Variants in EXOC4 observed in about 807,000 individuals in gnomAD.
The protein encoded by EXOC4 is exocyst complex component 4.
EXOC4 carries 71 observed loss-of-function variants against 107.2 expected under a neutral mutation model. The observed-to-expected ratio is 0.66, with a 90% CI of 0.55 to 0.81. The LOEUF (loss-of-function observed/expected upper bound fraction) is 0.81. EXOC4 is among the 30% of genes least tolerant of loss of function. EXOC4 has a pLI of 0.00. For missense variants in EXOC4, 1,108 were observed against 1,189.6 expected, an observed-to-expected ratio of 0.93 and a Z score of 1.01; for synonymous variants, 456 against 441.2, an observed-to-expected ratio of 1.03 and a Z score of -0.42.
chr7:133,598,670 T>TG (rs1801738060), intron 9 of EXOC4, among the ~76,000 whole-genome samples: 1 of 152,136 alleles, frequency 6.6e-6, no homozygotes, highest in Admixed American at 6.6e-5. Context: ...ACATCTGAAT[T>TG]GGGTTGTACT....
intron 17 of EXOC4, among the ~76,000 whole-genome samples, chr7:134,044,404 G>A (rs369584976): frequency 1.8e-4 from 28 of 152,176 alleles, no homozygotes; most frequent in African/African-American, 4.8e-4. Flanking sequence ...GCCTACCACC[G>A]TCTTCTGCAG....
chr7:133,855,104 A>AAAAT (rs1798334442), intron 11 of EXOC4, among the ~76,000 whole-genome samples: 4 of 61,890 alleles, frequency 6.5e-5, no homozygotes, highest in African/African-American at 2.5e-4. Context: ...TATATATATA[A>AAAAT]ATATATATAA....
At chr7:133,857,166 A>G (rs1585202636) in intron 11 of EXOC4, among the ~76,000 whole-genome samples, 1 of 13,352 alleles carries the variant, frequency 7.5e-5, no homozygotes, top group Non-Finnish European at 1.2e-4. Context: ...ATATATATAT[A>G]TATATATATA....
At chr7:134,019,704 C>T (rs1478846593) in intron 17 of EXOC4, among the ~76,000 whole-genome samples, 8 of 152,168 alleles carry the variant, frequency 5.3e-5, no homozygotes, top group East Asian at 1.9e-4. Flanking sequence ...CTCTTAACTA[C>T]GTGAAGTAAG....
chr7:133,465,628 T>G (rs1232704335), intron 7 of EXOC4, among the ~76,000 whole-genome samples: 5 of 152,208 alleles, frequency 3.3e-5, no homozygotes, highest in Non-Finnish European at 5.9e-5. Context: ...CATGTGAGTC[T>G]ATATGCTAGA....
chr7:133,433,333 A>G (rs1232762077), intron 7 of EXOC4, among the ~76,000 whole-genome samples: 1 of 152,200 alleles, frequency 6.6e-6, no homozygotes, highest in Non-Finnish European at 1.5e-5. Context: ...GACTTGATAT[A>G]ACCAATGGAA....
At chr7:133,973,073 T>G (rs1056878203) in intron 14 of EXOC4, among the ~76,000 whole-genome samples, 3 of 152,178 alleles carry the variant, frequency 2.0e-5, no homozygotes, top group Non-Finnish European at 4.4e-5. Context: ...TCAGGAAGTA[T>G]TTGTGGATAG....
intron 9 of EXOC4, among the ~76,000 whole-genome samples, chr7:133,549,183 G>A (rs1047706497): frequency 1.3e-5 from 2 of 152,004 alleles, no homozygotes; most frequent in East Asian, 3.9e-4. Context: ...TAGTAGAGAC[G>A]GGTTTCACTG....
chr7:133,325,395 A>T (rs1164642853), intron 5 of EXOC4, among the ~76,000 whole-genome samples: 2 of 152,198 alleles, frequency 1.3e-5, no homozygotes, highest in South Asian at 2.1e-4. Flanking sequence ...AGCTCTTGTA[A>T]GGCAGGCCTG....
intron 1 of EXOC4, among the ~76,000 whole-genome samples, chr7:133,263,925 G>A (rs900370622): frequency 1.3e-5 from 2 of 152,094 alleles, no homozygotes; most frequent in African/African-American, 2.4e-5. Flanking sequence ...TAAGAAATCT[G>A]CTTCAATTTG....
At chr7:133,437,588 A>G (rs3919590) in intron 7 of EXOC4, among the ~76,000 whole-genome samples, 117,708 of 152,138 alleles carry the variant, frequency 0.77, 46,186 homozygotes, top group East Asian at 0.95. Context: ...TTTAAGATCG[A>G]TAGGATATTT....
intron 13 of EXOC4, among the ~76,000 whole-genome samples, chr7:133,921,425 C>G (rs1799933131): frequency 6.6e-6 from 1 of 152,196 alleles, no homozygotes; most frequent in South Asian, 2.1e-4. Flanking sequence ...CTGAGCATCT[C>G]TTAGCCCAGT....
intron 17 of EXOC4, among the ~76,000 whole-genome samples, chr7:134,033,191 A>T (rs1359025362): frequency 6.6e-6 from 1 of 152,200 alleles, no homozygotes; most frequent in African/African-American, 2.4e-5. Context: ...TCAAAAAAAA[A>T]ATGTCAGAGT....
chr7:133,324,742 T>G (rs1169207258), intron 5 of EXOC4, among the ~76,000 whole-genome samples: 2 of 152,266 alleles, frequency 1.3e-5, no homozygotes, highest in African/African-American at 4.8e-5. Flanking sequence ...GGTGCAGAGC[T>G]GAGTTCAATT....
intron 7 of EXOC4, among the ~76,000 whole-genome samples, chr7:133,451,948 T>A (rs1297212586): frequency 6.6e-6 from 1 of 152,102 alleles, no homozygotes; most frequent in South Asian, 2.1e-4. Flanking sequence ...TTAAAAAAAA[T>A]ATTTTAATTG....
intron 17 of EXOC4, among the ~76,000 whole-genome samples, chr7:134,057,348 A>G (rs1308489751): frequency 6.7e-6 from 1 of 149,038 alleles, no homozygotes; most frequent in Non-Finnish European, 1.5e-5. Flanking sequence ...AACCTATACA[A>G]TCCGTTGTGA....
intron 10 of EXOC4, among the ~76,000 whole-genome samples, chr7:133,731,062 T>A (rs1795315712): frequency 6.6e-6 from 1 of 152,206 alleles, no homozygotes; most frequent in African/African-American, 2.4e-5. Context: ...ATAAGCAGCA[T>A]ATTTCACAGA....
intron 14 of EXOC4, among the ~76,000 whole-genome samples, chr7:133,989,115 A>G (rs944706473): frequency 3.3e-5 from 5 of 152,210 alleles, no homozygotes; most frequent in African/African-American, 1.2e-4. Context: ...AGAAAAAATA[A>G]ATATTAAGAA....
chr7:133,278,317 A>AAAT (rs1490172426), intron 2 of EXOC4, among the ~76,000 whole-genome samples: 4 of 152,240 alleles, frequency 2.6e-5, no homozygotes, highest in African/African-American at 9.6e-5. Context: ...TTGTGGAGTT[A>AAAT]AATTCTAATC....
Sources: allele counts gnomAD v4.1 joint callset (sites outside exome capture counted in the v4.1 genomes callset), GRCh38; gene constraint gnomAD v4.1.1; transcripts MANE v1.5; gene names NCBI Gene and HGNC (gene_info 2026-07-23, HGNC 2026-07-21).